Variants in ICA1L observed in about 807,000 individuals in gnomAD.
The protein encoded by ICA1L is islet cell autoantigen 1-like protein.
In ICA1L, 50 loss-of-function variants were observed where a neutral mutation model predicts 61.3. The observed-to-expected ratio is 0.82, with a 90% CI of 0.65 to 1.03. The LOEUF (loss-of-function observed/expected upper bound fraction) is 1.03, where lower values mean the gene tolerates loss of function less well. Among genes scored for constraint, ICA1L ranks in the 50% least tolerant of loss-of-function variants. The probability of loss-of-function intolerance (pLI) is 0.00; values close to 1 mark genes in which losing one functional copy is unlikely to be tolerated. For missense variants in ICA1L, 508 were observed against 556.7 expected (o/e 0.91, Z 0.88); for synonymous variants, 161 against 191.3 (o/e 0.84, Z 1.31).
At chr2:202,827,483 C>T (rs959047948) in intron 2 of ICA1L, among the ~76,000 whole-genome samples, 14 of 151,888 alleles carry the variant, frequency 9.2e-5, no homozygotes, top group Non-Finnish European at 2.1e-4. Context: ...GGTTTATGTA[C>T]TATTTTTATT....
intron 1 of ICA1L, among the ~76,000 whole-genome samples, chr2:202,836,259 A>G (rs1180913398): frequency 6.6e-6 from 1 of 152,154 alleles, no homozygotes; most frequent in East Asian, 1.9e-4. Flanking sequence ...CCTTTTTTGT[A>G]TCTATTGAGA....
intron 1 of ICA1L, among the ~76,000 whole-genome samples, chr2:202,845,774 G>A (rs1016942035): frequency 1.3e-5 from 2 of 151,962 alleles, no homozygotes; most frequent in Admixed American, 6.6e-5. Flanking sequence ...CACTTATAAC[G>A]TCTCATTACT....
chr2:202,796,202 C>A lies in ICA1L; in HGVS notation c.985+688G>T, dbSNP rs116700743. ...TACCAGAAGAAAGCATAAGAGAATTCTTCTATAATCTGGGTTTAGGAAAAG... is the reference window on the plus strand; with the variant it reads ...TACCAGAAGAAAGCATAAGAGAATTATTCTATAATCTGGGTTTAGGAAAAG... On this transcript the variant is annotated intron_variant, in intron 10 of 12. Coordinates refer to ENST00000358299, the MANE Select transcript of ICA1L (RefSeq NM_001288622.3). Among the ~76,000 whole-genome samples, 765 of 152,116 alleles carry A rather than the reference C, an allele frequency of 5.0e-3. 6 individuals are homozygous for A. The highest frequency in any genetic ancestry group is 0.018 in the African/African-American group (727 of 41,494).
At position 202,775,572 on chromosome 2, in the gene ICA1L, T is replaced by C. The variant is rs537178663; in HGVS notation, c.*3961A>G. On this transcript the variant is annotated 3_prime_UTR_variant, in exon 13 of 13. Transcript: ENST00000358299. Reference sequence around the variant, plus strand: ...TCTCACTCTGTCACCCAGGCTGGAGTGCATGGCCTGATCTCAGCTCACTGC... The same window carrying C: ...TCTCACTCTGTCACCCAGGCTGGAGCGCATGGCCTGATCTCAGCTCACTGC... 1 of 152,354 alleles carries C rather than the reference T, an allele frequency of 6.6e-6. No individual in the cohort carries two copies. The highest frequency in any genetic ancestry group is 2.1e-4 in the South Asian group (1 of 4,824). 9.4% of individuals were successfully genotyped at this position (152,354 alleles called of 1,614,324 possible).
At chr2:202,866,096 A>G (rs1249726343) in intron 1 of ICA1L, among the ~76,000 whole-genome samples, 1 of 152,188 alleles carries the variant, frequency 6.6e-6, no homozygotes, top group African/African-American at 2.4e-5. Flanking sequence ...ATACAACCAA[A>G]TGATTTCTGA....
chr2:202,817,494 A>G lies in ICA1L; in HGVS notation c.608T>C (p.Met203Thr), dbSNP rs760409811. ...TAAATCCACTTTCTGACAAACATCC[A>G]TCTTTAACTTGTCAAAAGAAGCTTT... ...NSKASFDKLKMDVCQKVDLLG... is the reference protein window; with the variant it reads ...NSKASFDKLKTDVCQKVDLLG... Residue 203 changes from methionine to threonine, a missense_variant, in exon 6 of 13, where the codon ATG becomes ACG. By Grantham distance (81) the Met-to-Thr change is moderately conservative (BLOSUM62 -1). Transcript: ENST00000358299. The G allele has an allele frequency of 6.2e-7, 1 of 1,611,410 alleles. No individual in the cohort carries two copies. The highest frequency in any genetic ancestry group is 8.5e-7 in the Non-Finnish European group (1 of 1,178,274).
At chr2:202,863,735 G>A (rs1017429147) in intron 1 of ICA1L, among the ~76,000 whole-genome samples, 1 of 151,378 alleles carries the variant, frequency 6.6e-6, no homozygotes, top group Non-Finnish European at 1.5e-5. Context: ...GCTGAGGCAG[G>A]AGAATGGCAT....
chr2:202,850,071 A>C (rs909150689), intron 1 of ICA1L, among the ~76,000 whole-genome samples: 5 of 152,168 alleles, frequency 3.3e-5, no homozygotes, highest in African/African-American at 1.2e-4. Context: ...TTAGAAGAAA[A>C]CCTAACAAAC....
intron 1 of ICA1L, among the ~76,000 whole-genome samples, chr2:202,830,408 AAAAAAAT>A (rs1693984334): frequency 1.3e-5 from 2 of 152,214 alleles, no homozygotes; most frequent in Non-Finnish European, 2.9e-5. Context: ...CTCCGTCTCA[AAAAAAAT>A]AAAAAATAAA....
chr2:202,826,754 T>C (rs967212331), intron 2 of ICA1L, among the ~76,000 whole-genome samples: 23 of 151,964 alleles, frequency 1.5e-4, no homozygotes, highest in Non-Finnish European at 2.9e-4. Flanking sequence ...ACAGATTTTT[T>C]TTTTTTTTTA....
At chr2:202,868,694 C>T (rs759228674) in intron 1 of ICA1L, among the ~76,000 whole-genome samples, 7 of 152,040 alleles carry the variant, frequency 4.6e-5, no homozygotes, top group Non-Finnish European at 7.4e-5. Flanking sequence ...AGGCCGGGCG[C>T]GGTGGCTCAC....
intron 5 of ICA1L, among the ~76,000 whole-genome samples, chr2:202,819,087 C>T (rs188090196): frequency 2.1e-4 from 32 of 152,290 alleles, no homozygotes; most frequent in African/African-American, 7.0e-4. Flanking sequence ...TGAGGCAAAC[C>T]ACTTAATAGC....
chr2:202,805,852 T>C (rs189144472), intron 9 of ICA1L, among the ~76,000 whole-genome samples: 1 of 152,304 alleles, frequency 6.6e-6, no homozygotes, highest in East Asian at 1.9e-4. Context: ...TACGGCAATG[T>C]TCGTTATATT....
chr2:202,841,720 G>A, intron 1 of ICA1L: 2 of 510,192 alleles, frequency 3.9e-6, no homozygotes, highest in Non-Finnish European at 7.6e-6. Context: ...CGAAGGCCTG[G>A]GGGCCAGAGG....
At chr2:202,838,464 T>G (rs927949894) in intron 1 of ICA1L, among the ~76,000 whole-genome samples, 7 of 152,218 alleles carry the variant, frequency 4.6e-5, no homozygotes, top group Non-Finnish European at 1.0e-4. Context: ...GTAGTTGAAT[T>G]CCAGTGTTTC....
intron 11 of ICA1L, among the ~76,000 whole-genome samples, chr2:202,786,285 G>A (rs1239497707): frequency 2.0e-5 from 3 of 152,146 alleles, no homozygotes; most frequent in African/African-American, 4.8e-5. Context: ...GGTGGCTCAC[G>A]CCTGTAATCC....
At chr2:202,779,756 T>C in intron 12 of ICA1L, 108 bp from the exon 13 acceptor site, 1 of 631,342 alleles carries the variant, frequency 1.6e-6, no homozygotes, top group East Asian at 2.8e-5. Context: ...TAAGAAAAAA[T>C]TAAGATAACT....
At chr2:202,830,030 A>G (rs565321409) in intron 1 of ICA1L, among the ~76,000 whole-genome samples, 4 of 152,266 alleles carry the variant, frequency 2.6e-5, no homozygotes, top group Non-Finnish European at 4.4e-5. Context: ...CAACACAAAT[A>G]AAGTCCTTAA....
At chr2:202,837,998 C>T (rs1450722289) in intron 1 of ICA1L, among the ~76,000 whole-genome samples, 4 of 151,970 alleles carry the variant, frequency 2.6e-5, no homozygotes, top group African/African-American at 7.2e-5. Flanking sequence ...GGATTATAGG[C>T]GCCCACCACC....
Sources: gnomAD v4.1 joint callset for allele counts (sites outside exome capture counted in the v4.1 genomes callset) on GRCh38, gnomAD v4.1.1 for gene constraint, MANE v1.5 for transcripts, NCBI Gene and HGNC (gene_info 2026-07-23, HGNC 2026-07-21) for gene names.